The following DTD1 variants were observed in gnomAD, a reference collection of about 807,000 sequenced individuals.
DTD1 encodes the protein D-tyrosyl-tRNA deacylase 1 homolog.
In DTD1, 13 loss-of-function variants were observed where a neutral mutation model predicts 25.6. That is an observed-to-expected ratio of 0.51 (90% CI 0.33 to 0.81). The LOEUF (loss-of-function observed/expected upper bound fraction) is 0.81. DTD1 is among the 30% of genes least tolerant of loss of function. DTD1 has a pLI of 0.02. For missense variants in DTD1, 193 were observed against 266.4 expected, an observed-to-expected ratio of 0.72 and a Z score of 1.92; for synonymous variants, 110 against 103.6, an observed-to-expected ratio of 1.06 and a Z score of -0.37.
At chr20:18,612,628 T>A (rs2060691880) in intron 3 of DTD1, among the ~76,000 whole-genome samples, 1 of 151,978 alleles carries the variant, frequency 6.6e-6, no homozygotes, top group Non-Finnish European at 1.5e-5. Context: ...AAAATTCACA[T>A]CTTCTTGGCT....
At chr20:18,678,498 C>T (rs773070969) in intron 4 of DTD1, among the ~76,000 whole-genome samples, 10 of 152,104 alleles carry the variant, frequency 6.6e-5, no homozygotes, top group Non-Finnish European at 8.8e-5. Flanking sequence ...TCTGGAAACT[C>T]GTAATATAAT....
chr20:18,588,295 C>T (rs1316155208), intron 1 of DTD1, among the ~76,000 whole-genome samples, 180 bp downstream of exon 1: 2 of 152,012 alleles, frequency 1.3e-5, no homozygotes, highest in African/African-American at 4.8e-5. Context: ...CGGGGCAGCG[C>T]GGCGGCCGGA....
At chr20:18,675,381 C>G (rs1433203830) in intron 4 of DTD1, 1 of 152,260 alleles carries the variant, frequency 6.6e-6, no homozygotes, top group Non-Finnish European at 1.5e-5. Context: ...CTGGCTGACA[C>G]ACAGTGGCAA....
At chr20:18,734,878 GGCATTTACCCTTTT>G (rs1452740688) in intron 4 of DTD1, among the ~76,000 whole-genome samples, 2 of 152,286 alleles carry the variant, frequency 1.3e-5, no homozygotes, top group Non-Finnish European at 2.9e-5. Flanking sequence ...AATGGATGGG[GGCATTTACCCTTTT>G]GCCTTTAATT....
intron 4 of DTD1, among the ~76,000 whole-genome samples, chr20:18,700,637 T>C (rs1477802611): frequency 1.3e-5 from 2 of 152,162 alleles, no homozygotes; most frequent in African/African-American, 2.4e-5. Flanking sequence ...TACATGGTAC[T>C]CAATATGTAC....
chr20:18,590,011 T>A (rs1384222244), intron 1 of DTD1, among the ~76,000 whole-genome samples: 2 of 152,244 alleles, frequency 1.3e-5, no homozygotes, highest in East Asian at 3.8e-4. Context: ...AAAATGTGGC[T>A]GGTTTCACTG....
chr20:18,610,499 A>C (rs568477343), intron 3 of DTD1, among the ~76,000 whole-genome samples: 1 of 152,370 alleles, frequency 6.6e-6, no homozygotes. Context: ...TGTATAATAC[A>C]TCTGATCATT....
chr20:18,646,498 G>A (rs532426738), intron 4 of DTD1, among the ~76,000 whole-genome samples: 4 of 152,214 alleles, frequency 2.6e-5, no homozygotes, highest in Non-Finnish European at 5.9e-5. Flanking sequence ...AGGAACTAAA[G>A]GAAGGAAAAG....
intron 4 of DTD1, among the ~76,000 whole-genome samples, chr20:18,664,665 G>A (rs1017549914): frequency 6.6e-6 from 1 of 152,194 alleles, no homozygotes; most frequent in East Asian, 1.9e-4. Flanking sequence ...CACTTTGTAT[G>A]TTGACTTCAA....
intron 4 of DTD1, among the ~76,000 whole-genome samples, chr20:18,711,144 C>A (rs758234919): frequency 6.6e-6 from 1 of 152,124 alleles, no homozygotes; most frequent in Non-Finnish European, 1.5e-5. Flanking sequence ...TATTCTCAGC[C>A]CTGTGTGAGC....
chr20:18,640,664 T>C (rs1568655570), intron 4 of DTD1, among the ~76,000 whole-genome samples: 1 of 150,574 alleles, frequency 6.6e-6, no homozygotes, highest in Non-Finnish European at 1.5e-5. Context: ...GGAGTCTCGC[T>C]CTGTCACCCA....
At chr20:18,746,392 A>C (rs2061300325) in intron 5 of DTD1, among the ~76,000 whole-genome samples, 1 of 152,172 alleles carries the variant, frequency 6.6e-6, no homozygotes, top group Admixed American at 6.5e-5. Flanking sequence ...TAGGATCCAC[A>C]ATACCAGGAA....
chr20:18,644,066 C>G (rs2060841028), intron 4 of DTD1, among the ~76,000 whole-genome samples: 1 of 151,958 alleles, frequency 6.6e-6, no homozygotes, highest in South Asian at 2.1e-4. Flanking sequence ...AGCTATTTTC[C>G]TTTTGATGGA....
chr20:18,721,503 A>G (rs2061203503), intron 4 of DTD1, among the ~76,000 whole-genome samples: 1 of 152,166 alleles, frequency 6.6e-6, no homozygotes, highest in Non-Finnish European at 1.5e-5. Context: ...AGCTTAGTTT[A>G]TCATTTTCCT....
intron 4 of DTD1, among the ~76,000 whole-genome samples, chr20:18,655,856 G>T (rs1017104997): frequency 1.3e-5 from 2 of 151,826 alleles, no homozygotes; most frequent in African/African-American, 4.8e-5. Flanking sequence ...AGCAATCTCC[G>T]CCTCCCAGGT....
At chr20:18,613,510 G>A (rs2060696637) in intron 3 of DTD1, among the ~76,000 whole-genome samples, 1 of 152,184 alleles carries the variant, frequency 6.6e-6, no homozygotes, top group African/African-American at 2.4e-5. Flanking sequence ...GGCTTCTGCT[G>A]CCAGTGCTGA....
At chr20:18,638,771 G>A (rs1165177683) in intron 4 of DTD1, among the ~76,000 whole-genome samples, 1 of 152,186 alleles carries the variant, frequency 6.6e-6, no homozygotes, top group Non-Finnish European at 1.5e-5. Flanking sequence ...ATGAGACTGG[G>A]TTTAGTGTAG....
At chr20:18,734,980 A>G (rs973008313) in intron 4 of DTD1, among the ~76,000 whole-genome samples, 1 of 152,188 alleles carries the variant, frequency 6.6e-6, no homozygotes, top group Non-Finnish European at 1.5e-5. Flanking sequence ...TCCCCCTGAC[A>G]TCAGCCGGGC....
intron 4 of DTD1, among the ~76,000 whole-genome samples, chr20:18,715,131 G>A (rs958268527): frequency 1.3e-5 from 2 of 152,044 alleles, no homozygotes; most frequent in Non-Finnish European, 2.9e-5. Context: ...ACCCCGAGTG[G>A]GTGTCATCCC....
Sources: gnomAD v4.1 joint callset for allele counts (sites outside exome capture counted in the v4.1 genomes callset) on GRCh38, gnomAD v4.1.1 for gene constraint, MANE v1.5 for transcripts, NCBI Gene and HGNC (gene_info 2026-07-23, HGNC 2026-07-21) for gene names.